Variants in ADAMTS16 observed in about 807,000 individuals in gnomAD.
ADAMTS16 encodes the protein ADAM metallopeptidase with thrombospondin type 1 motif 16, also known as A disintegrin and metalloproteinase with thrombospondin motifs 16.
Under a neutral mutation model 145.8 loss-of-function variants are expected in ADAMTS16, and 94 were observed. The ratio of observed to expected loss-of-function variants is 0.64; its 90% CI spans 0.55 to 0.77. ADAMTS16 has a LOEUF of 0.77. ADAMTS16 is among the 30% of genes least tolerant of loss of function. ADAMTS16 has a pLI of 0.00. For missense variants in ADAMTS16, 1,585 were observed against 1,591.5 expected, an observed-to-expected ratio of 1.00 and a Z score of 0.07; for synonymous variants, 659 against 604.3, an observed-to-expected ratio of 1.09 and a Z score of -1.33.
Position 5,140,474 on chromosome 5 carries a change from C to T in ADAMTS16, c.7C>T (p.Pro3Ser). 2.0e-6 allele frequency: 3 copies of T among 1,513,234 alleles called. No individual in the cohort carries two copies. Among genetic ancestry groups the T allele is most frequent in the Non-Finnish European group, 2.6e-6 (3 of 1,140,008 alleles). 93.7% of individuals were successfully genotyped at this position (1,513,234 alleles called of 1,614,324 possible). A position where few individuals can be genotyped will look rare whatever the true frequency, so the allele number is the denominator to read the frequency against. The change falls in exon 1 of 23, where the codon CCC (proline) becomes TCC (serine). Residue 3 changes from proline to serine, a missense_variant. By Grantham distance (74) the Pro-to-Ser change is moderately conservative (BLOSUM62 -1). Around this residue, in one of 3 missense-constraint regions of ADAMTS16, gnomAD observed 453 missense variants for 412.1 expected, o/e 1.10. Transcript: ENST00000274181. ...CCCCTCGGAGCGCTCCTGGATGAAGCCCCGCGCGCGCGGATGGCGGGGCTT... is the reference window on the plus strand; with the variant it reads ...CCCCTCGGAGCGCTCCTGGATGAAGTCCCGCGCGCGCGGATGGCGGGGCTT... MK[P>S]RARGWRGLAA...
rs139939959 is a variant in ADAMTS16 at position 5,317,551 on chromosome 5, G to A, written c.3412-583G>A. On this transcript the variant is annotated intron_variant, in intron 21 of 22. Coordinates refer to ENST00000274181, the MANE Select transcript of ADAMTS16 (RefSeq NM_139056.4). This position sits in a 1 kb window ranked among gnomAD's most constrained non-coding sequence, Gnocchi z 4.5. ...CTGGGATTACAGGTGCCCACCACCA[G>A]GCCCAGCTAATTTTTTTTCTTTTTT... Among the ~76,000 whole-genome samples the A allele has an allele frequency of 3.9e-5, 6 of 151,928 alleles. No homozygotes were observed. The highest frequency in any genetic ancestry group is 1.4e-4 in the African/African-American group (6 of 41,438).
chr5:5,161,459 C>T (rs1030202060), intron 3 of ADAMTS16, among the ~76,000 whole-genome samples: 9 of 152,140 alleles, frequency 5.9e-5, no homozygotes, highest in Non-Finnish European at 1.2e-4. Context: ...GTCCTAGATA[C>T]AATGCACATA....
At chr5:5,167,164 C>A (rs149957765) in intron 3 of ADAMTS16, among the ~76,000 whole-genome samples, 2 of 152,316 alleles carry the variant, frequency 1.3e-5, no homozygotes, top group African/African-American at 4.8e-5. Context: ...AGTTCCCCCA[C>A]CCACATTGGA....
At chr5:5,190,179 CT>C (rs1431937300) in intron 7 of ADAMTS16, 49 bp downstream of exon 7, 1 of 1,503,442 alleles carries the variant, frequency 6.7e-7, no homozygotes, top group Non-Finnish European at 8.9e-7. Context: ...ATGTGCACCC[CT>C]GGCCGTGACA....
chr5:5,185,243 T>C (rs899541010), intron 4 of ADAMTS16, among the ~76,000 whole-genome samples: 1 of 152,242 alleles, frequency 6.6e-6, no homozygotes, highest in Non-Finnish European at 1.5e-5. Context: ...AAATAGCATC[T>C]GCTTACAGTA....
chr5:5,226,411 C>T (rs1268199859), intron 11 of ADAMTS16, among the ~76,000 whole-genome samples: 1 of 152,150 alleles, frequency 6.6e-6, no homozygotes, highest in Non-Finnish European at 1.5e-5. Flanking sequence ...GTCATGAGAA[C>T]AGCATGGGAA....
At chr5:5,309,660 T>C (rs1740335722) in intron 21 of ADAMTS16, among the ~76,000 whole-genome samples, 1 of 152,164 alleles carries the variant, frequency 6.6e-6, no homozygotes, top group Non-Finnish European at 1.5e-5. Flanking sequence ...AGACCTGGTT[T>C]TGACAGTATC....
At chr5:5,183,364 G>A (rs1379496954) in intron 4 of ADAMTS16, among the ~76,000 whole-genome samples, 2 of 152,218 alleles carry the variant, frequency 1.3e-5, no homozygotes, top group African/African-American at 4.8e-5. Flanking sequence ...GCCCGAGGCT[G>A]CCGTGACCGG....
intron 17 of ADAMTS16, among the ~76,000 whole-genome samples, chr5:5,255,248 T>C (rs947433354): frequency 9.9e-5 from 15 of 152,194 alleles, no homozygotes; most frequent in Non-Finnish European, 1.5e-4. Context: ...ATGAAGTCAA[T>C]GTATCAGTGA....
At chr5:5,149,698 T>C (rs1252791105) in intron 3 of ADAMTS16, among the ~76,000 whole-genome samples, 2 of 152,168 alleles carry the variant, frequency 1.3e-5, no homozygotes, top group Non-Finnish European at 2.9e-5. Context: ...ACCTCAAAAA[T>C]AAACCCTTAT....
At chr5:5,283,464 C>T (rs1475432006) in intron 18 of ADAMTS16, among the ~76,000 whole-genome samples, 1 of 152,118 alleles carries the variant, frequency 6.6e-6, no homozygotes, top group Non-Finnish European at 1.5e-5. Flanking sequence ...ACCCATGCCC[C>T]TCCCCCCACC....
intron 9 of ADAMTS16, among the ~76,000 whole-genome samples, chr5:5,203,194 T>C (rs1468456956): frequency 1.3e-5 from 2 of 152,212 alleles, no homozygotes; most frequent in Non-Finnish European, 2.9e-5. Context: ...TCTTGAATGG[T>C]GAAATTTTCC....
At chr5:5,309,413 GCTCA>G (rs1197982911) in intron 21 of ADAMTS16, among the ~76,000 whole-genome samples, 1 of 152,080 alleles carries the variant, frequency 6.6e-6, no homozygotes, top group Non-Finnish European at 1.5e-5. Flanking sequence ...GATAAGGAGG[GCTCA>G]CTGTCTTTGA....
intron 8 of ADAMTS16, among the ~76,000 whole-genome samples, chr5:5,195,549 G>A (rs1376269718): frequency 1.2e-4 from 18 of 152,148 alleles, no homozygotes; most frequent in African/African-American, 2.9e-4. Context: ...TATATGCTCC[G>A]TAGCTCATAT....
At chr5:5,210,813 C>T (rs768371666) in intron 10 of ADAMTS16, among the ~76,000 whole-genome samples, 3 of 152,162 alleles carry the variant, frequency 2.0e-5, no homozygotes, top group Non-Finnish European at 2.9e-5. Flanking sequence ...TCTTTCCCTA[C>T]GTCTATTGAT....
At chr5:5,311,013 C>T (rs1315358311) in intron 21 of ADAMTS16, among the ~76,000 whole-genome samples, 1 of 152,146 alleles carries the variant, frequency 6.6e-6, no homozygotes, top group Admixed American at 6.5e-5. Context: ...ATGCCCGTGG[C>T]TTCTGCTGGC....
chr5:5,272,851 C>T (rs1738536950), intron 18 of ADAMTS16, among the ~76,000 whole-genome samples: 1 of 152,204 alleles, frequency 6.6e-6, no homozygotes, highest in African/African-American at 2.4e-5. Flanking sequence ...TTCAAGAAGC[C>T]ATTCTATACT....
intron 11 of ADAMTS16, among the ~76,000 whole-genome samples, 169 bp from the exon 12 acceptor site, chr5:5,232,195 AAAAC>A (rs1325910405): frequency 6.6e-6 from 1 of 151,842 alleles, no homozygotes; most frequent in Non-Finnish European, 1.5e-5. Flanking sequence ...AAGGAAAAAA[AAAAC>A]AACATTGAAT....
At chr5:5,158,302 A>G (rs1170444175) in intron 3 of ADAMTS16, among the ~76,000 whole-genome samples, 3 of 152,160 alleles carry the variant, frequency 2.0e-5, no homozygotes, top group Admixed American at 6.5e-5. Flanking sequence ...TTCCCAACCC[A>G]TGAAAGGAAC....
Sources: allele counts gnomAD v4.1 joint callset (sites outside exome capture counted in the v4.1 genomes callset), GRCh38; gene constraint gnomAD v4.1.1; regional missense constraint gnomAD v4.1.1; non-coding constraint Gnocchi (gnomAD v3.1); transcripts MANE v1.5; gene names NCBI Gene and HGNC (gene_info 2026-07-23, HGNC 2026-07-21).